The following HORMAD2 variants were observed in gnomAD, a reference collection of about 807,000 sequenced individuals.
HORMAD2 encodes HORMA domain containing 2.
In HORMAD2, 45 loss-of-function variants were observed where a neutral mutation model predicts 38.8. The ratio of observed to expected loss-of-function variants is 1.16; its 90% CI spans 0.91 to 1.49. The LOEUF (loss-of-function observed/expected upper bound fraction) is 1.49. Ranked by LOEUF, HORMAD2 falls within the 40% of genes most tolerant of loss-of-function variation. HORMAD2 has a pLI of 0.00. For synonymous variants in HORMAD2, 126 were observed against 122.8 expected (o/e 1.03, Z -0.17); for missense variants, 338 against 367.0 (o/e 0.92, Z 0.65).
At position 30,122,155 on chromosome 22, in the gene HORMAD2, A is replaced by T; in HGVS notation, c.760A>T (p.Thr254Ser). ...GAACAATCTGTTTCGGGAGAACAGC[A>T]CTACTGAGATCGCCCATCAGGGTCT... ...LENNLFRENS[T>S]TEIAHQGLDC... Residue 254 changes from threonine (T) to serine (S), a missense_variant, in exon 10 of 11, where the codon ACT (threonine) becomes TCT (serine). Thr to Ser is a moderately conservative substitution (Grantham distance 58). Coordinates refer to ENST00000336726, the MANE Select transcript of HORMAD2 (RefSeq NM_152510.4). 6.2e-7 allele frequency: 1 copy of T among 1,613,572 alleles called. No homozygotes were observed. Among genetic ancestry groups the T allele is most frequent in the South Asian group, 1.1e-5 (1 of 91,020 alleles).
At chr22:30,144,107 G>A (rs895672426) in intron 10 of HORMAD2, among the ~76,000 whole-genome samples, 4 of 152,134 alleles carry the variant, frequency 2.6e-5, no homozygotes, top group African/African-American at 4.8e-5. Context: ...CTAATACAGC[G>A]GTTTCATCTG....
At chr22:30,084,499 C>T (rs2068536632) in intron 1 of HORMAD2, among the ~76,000 whole-genome samples, 1 of 152,140 alleles carries the variant, frequency 6.6e-6, no homozygotes, top group African/African-American at 2.4e-5. Context: ...ACATTCAAAC[C>T]ATAGCAATGA....
intron 10 of HORMAD2, among the ~76,000 whole-genome samples, chr22:30,151,405 GC>G (rs1271318039): frequency 6.6e-6 from 1 of 152,138 alleles, no homozygotes; most frequent in Non-Finnish European, 1.5e-5. Context: ...GACAAGCAAT[GC>G]AGTTTTCTTT....
At chr22:30,139,670 C>G (rs914975666) in intron 10 of HORMAD2, among the ~76,000 whole-genome samples, 1 of 151,854 alleles carries the variant, frequency 6.6e-6, no homozygotes, top group African/African-American at 2.4e-5. Flanking sequence ...TGTCTTGTTC[C>G]TAATCTTAGA....
At chr22:30,083,569 T>C (rs1173168148) in intron 1 of HORMAD2, among the ~76,000 whole-genome samples, 1 of 152,276 alleles carries the variant, frequency 6.6e-6, no homozygotes, top group Non-Finnish European at 1.5e-5. Context: ...ACAAAACACC[T>C]GCTCAAAGGG....
In HORMAD2 at chr22:30,122,035, G is replaced by C; in HGVS notation, c.640G>C (p.Glu214Gln). Reference protein sequence around the residue: ...VNSHFLLFDKEPINVQVGFVS... With the variant: ...VNSHFLLFDKQPINVQVGFVS... ...TTCACACTTCCTGCTGTTTGACAAGGAGCCTATCAACGTGCAAGTGGGATT... is the reference window on the plus strand; with the variant it reads ...TTCACACTTCCTGCTGTTTGACAAGCAGCCTATCAACGTGCAAGTGGGATT... Residue 214 changes from glutamate (E) to glutamine (Q), a missense_variant, in exon 10 of 11, where the codon GAG (glutamate) becomes CAG (glutamine). Physicochemically the swap from Glu to Gln is conservative, Grantham distance 29. Coordinates refer to ENST00000336726, the MANE Select transcript of HORMAD2 (RefSeq NM_152510.4). 1 of 1,613,148 alleles carries C rather than the reference G, an allele frequency of 6.2e-7. No homozygotes were observed. The highest frequency in any genetic ancestry group is 8.5e-7 in the Non-Finnish European group (1 of 1,179,630).
chr22:30,151,366 A>T (rs1048285129), intron 10 of HORMAD2, among the ~76,000 whole-genome samples: 3 of 152,198 alleles, frequency 2.0e-5, no homozygotes, highest in Non-Finnish European at 4.4e-5. Flanking sequence ...ATTTATAAAA[A>T]CATAAATATG....
intron 10 of HORMAD2, among the ~76,000 whole-genome samples, chr22:30,151,219 T>C (rs1239458661): frequency 6.6e-6 from 1 of 152,240 alleles, no homozygotes; most frequent in Non-Finnish European, 1.5e-5. Context: ...GCTTGTTCTT[T>C]CTTTCTGTTT....
At chr22:30,183,499 C>T in the HORMAD2 span, among the ~76,000 whole-genome samples, 1 of 152,168 alleles carries the variant, frequency 6.6e-6, no homozygotes. Context: ...GCACTTACTC[C>T]AGGCCAGACA....
intron 10 of HORMAD2, among the ~76,000 whole-genome samples, chr22:30,129,609 C>T (rs190085128): frequency 4.4e-4 from 67 of 152,102 alleles, no homozygotes; most frequent in African/African-American, 1.6e-3. Context: ...CAATTGAACT[C>T]CAAAGTACTA....
At chr22:30,135,598 C>G (rs1923595016) in intron 10 of HORMAD2, among the ~76,000 whole-genome samples, 1 of 152,048 alleles carries the variant, frequency 6.6e-6, no homozygotes, top group Non-Finnish European at 1.5e-5. Flanking sequence ...CAAGCCTGGA[C>G]AAAGAAAACT....
At chr22:30,101,724 A>G (rs563360375) in intron 3 of HORMAD2, among the ~76,000 whole-genome samples, 31 of 152,246 alleles carry the variant, frequency 2.0e-4, no homozygotes, top group Admixed American at 1.2e-3. Flanking sequence ...TAAATTTCTT[A>G]CATCTGTATT....
chr22:30,108,377 C>T (rs1569090317), intron 5 of HORMAD2, among the ~76,000 whole-genome samples: 1 of 152,110 alleles, frequency 6.6e-6, no homozygotes, highest in Non-Finnish European at 1.5e-5. Flanking sequence ...TCTTCCTGTC[C>T]AGGGCATCAC....
chr22:30,173,283 C>T (rs551309296), intron 10 of HORMAD2, among the ~76,000 whole-genome samples: 11 of 152,262 alleles, frequency 7.2e-5, no homozygotes, highest in African/African-American at 2.6e-4. Flanking sequence ...GTCAGATCTG[C>T]ATATGAGACT....
At chr22:30,080,956 G>A (rs1436939378) in intron 1 of HORMAD2, 2 of 152,400 alleles carry the variant, frequency 1.3e-5, no homozygotes, top group African/African-American at 4.8e-5. Flanking sequence ...CAGGCCAAGA[G>A]GTGAGAGAGG....
chr22:30,197,267 GCCC>G, the HORMAD2 span, among the ~76,000 whole-genome samples: 1 of 151,772 alleles, frequency 6.6e-6, no homozygotes, highest in African/African-American at 2.4e-5. Context: ...AGAGAGGGAA[GCCC>G]CATCTCTAAA....
chr22:30,132,196 G>A (rs1458978251), intron 10 of HORMAD2, among the ~76,000 whole-genome samples: 1 of 152,118 alleles, frequency 6.6e-6, no homozygotes, highest in Admixed American at 6.5e-5. Flanking sequence ...CATAGTGTTG[G>A]CAAGAATATC....
intron 1 of HORMAD2, among the ~76,000 whole-genome samples, chr22:30,082,204 A>G (rs1438388205): frequency 1.3e-5 from 2 of 152,218 alleles, no homozygotes; most frequent in African/African-American, 4.8e-5. Context: ...GGAAGGTAAT[A>G]TAGTTACATT....
chr22:30,197,893 A>G, the HORMAD2 span, among the ~76,000 whole-genome samples: 1 of 152,284 alleles, frequency 6.6e-6, no homozygotes, highest in Middle Eastern at 3.4e-3. Context: ...AGAGTCAAGG[A>G]TGGGCTGGGC....
Sources: allele counts gnomAD v4.1 joint callset (sites outside exome capture counted in the v4.1 genomes callset), GRCh38; gene constraint gnomAD v4.1.1; transcripts MANE v1.5; gene names NCBI Gene and HGNC (gene_info 2026-07-23, HGNC 2026-07-21).